Variants in FAM135B observed in about 807,000 individuals in gnomAD.
The protein encoded by FAM135B is family with sequence similarity 135 member B, also known as protein FAM135B.
A neutral mutation model predicts 127.7 loss-of-function variants in FAM135B; 43 were observed. That is an observed-to-expected ratio of 0.34 (90% confidence interval 0.26 to 0.43). FAM135B has a LOEUF of 0.43. FAM135B is among the 20% of genes least tolerant of loss of function. The pLI, the probability that FAM135B is intolerant of heterozygous loss-of-function variation, is 1.00. For missense variants in FAM135B, 1,558 were observed against 1,725.6 expected, an observed-to-expected ratio of 0.90 and a Z score of 1.72; for synonymous variants, 670 against 665.1, an observed-to-expected ratio of 1.01 and a Z score of -0.11.
In FAM135B at chr8:138,276,687, T is replaced by G. The variant is rs142419450; in HGVS notation, c.158-10845A>C. On this transcript the variant is annotated intron_variant, in intron 3 of 19. Coordinates refer to ENST00000395297, the MANE Select transcript of FAM135B (RefSeq NM_015912.4). ...ACAGCACATTCTCATCTGTACTGTC[T>G]CCCCTTTCCTCTCTTGGTCCCCTCC... Among the ~76,000 whole-genome samples the G allele has an allele frequency of 6.2e-4, 94 of 152,294 alleles. 1 individual carries two copies. Among genetic ancestry groups the G allele is most frequent in the African/African-American group, 2.2e-3 (91 of 41,558 alleles).
intron 2 of FAM135B, among the ~76,000 whole-genome samples, chr8:138,329,056 G>C (rs893183756): frequency 2.0e-5 from 3 of 152,204 alleles, no homozygotes; most frequent in Non-Finnish European, 2.9e-5. Flanking sequence ...TACAATGACA[G>C]GTAAAGTAGG....
At position 138,280,036 on chromosome 8, in the gene FAM135B, G is replaced by A. The variant is rs10101167; in HGVS notation, c.158-14194C>T. On this transcript the variant is annotated intron_variant, in intron 3 of 19. Transcript: ENST00000395297. ...AAGAAAGTCATGTAGTTTTATAAAC[G>A]CATTTCACAAATAGGAACTGGGGCC... is the stretch of plus-strand genomic sequence containing the variant. Among the ~76,000 whole-genome samples the A allele has an allele frequency of 3.7e-3, 569 of 152,212 alleles. 5 individuals carry two copies. Among genetic ancestry groups the A allele is most frequent in the Middle Eastern group, 6.8e-3 (2 of 294 alleles).
chr8:138,367,539 G>C (rs1191638888), intron 2 of FAM135B: 2 of 445,710 alleles, frequency 4.5e-6, no homozygotes, highest in South Asian at 3.6e-5. Context: ...GCCTGCATCA[G>C]CATCAGTATT....
chr8:138,442,017 T>C (rs1835801202), intron 1 of FAM135B, among the ~76,000 whole-genome samples: 2 of 151,766 alleles, frequency 1.3e-5, no homozygotes, highest in Admixed American at 1.3e-4. Context: ...TAGTTGAATA[T>C]TTTGTATGTC....
At chr8:138,389,728 T>C (rs998148652) in intron 1 of FAM135B, among the ~76,000 whole-genome samples, 10 of 152,230 alleles carry the variant, frequency 6.6e-5, no homozygotes, top group African/African-American at 2.4e-4. Context: ...ATTTTGAGAC[T>C]GCATAGTGGT....
intron 1 of FAM135B, among the ~76,000 whole-genome samples, chr8:138,447,141 A>C (rs982534232): frequency 1.3e-5 from 2 of 152,092 alleles, no homozygotes; most frequent in African/African-American, 4.8e-5. Context: ...CGATCATTAA[A>C]AAGTCAGGAA....
intron 2 of FAM135B, among the ~76,000 whole-genome samples, chr8:138,346,310 C>T (rs1326686721): frequency 2.6e-5 from 4 of 152,148 alleles, no homozygotes; most frequent in Admixed American, 2.6e-4. Flanking sequence ...GGCATACAAC[C>T]AAGGAAATAT....
Position 138,165,079 on chromosome 8 carries a change from T to C in FAM135B, c.1258+2816A>G, listed in dbSNP as rs1283041575. On this transcript the variant is annotated intron_variant, in intron 12 of 19. Transcript: ENST00000395297. ...TGATTTTCCAGCTGATATTGCAGGA[T>C]GGAGGCGCAGAGAGGGAATGAATTT... 2.6e-5 allele frequency among the ~76,000 whole-genome samples: 4 copies of C among 151,566 alleles called. No homozygotes were observed. The East Asian group carries it at 5.8e-4, about 22-fold the overall frequency.
At chr8:138,431,338 C>A (rs938031952) in intron 1 of FAM135B, among the ~76,000 whole-genome samples, 1 of 152,116 alleles carries the variant, frequency 6.6e-6, no homozygotes, top group Non-Finnish European at 1.5e-5. Context: ...TCATAATATG[C>A]CTCTTAATTA....
intron 2 of FAM135B, among the ~76,000 whole-genome samples, chr8:138,324,185 A>C (rs1827645641): frequency 6.6e-6 from 1 of 152,186 alleles, no homozygotes; most frequent in African/African-American, 2.4e-5. Context: ...ACATTACGAG[A>C]GATCACATTT....
Position 138,152,004 on chromosome 8 carries a change from C to T in FAM135B, c.2471G>A (p.Gly824Glu), listed in dbSNP as rs1481744454. The change falls in exon 13 of 20, where the codon GGA becomes GAA. Residue 824 changes from glycine (G) to glutamate (E), a missense_variant. Gly to Glu is a moderately conservative substitution (Grantham distance 98). Coordinates refer to ENST00000395297, the MANE Select transcript of FAM135B (RefSeq NM_015912.4). ...TATCTCCACCAGGGGATGGTCTGCTCCAGCATCTGTTCCAGAGTCACCACA... is the reference window on the plus strand; with the variant it reads ...TATCTCCACCAGGGGATGGTCTGCTTCAGCATCTGTTCCAGAGTCACCACA... ...QLCGDSGTDA[G>E]ADHPLVEIVL... The T allele has an allele frequency of 6.2e-7, 1 of 1,614,016 alleles. No individual in the cohort carries two copies. Among genetic ancestry groups the T allele is most frequent in the East Asian group, 2.2e-5 (1 of 44,848 alleles).
chr8:138,271,842 T>G (rs548133314), intron 3 of FAM135B, among the ~76,000 whole-genome samples: 2 of 152,156 alleles, frequency 1.3e-5, no homozygotes, highest in Non-Finnish European at 2.9e-5. Flanking sequence ...TAGCCTGAGA[T>G]TTACTGGTCT....
At chr8:138,414,502 T>C (rs1025823154) in intron 1 of FAM135B, among the ~76,000 whole-genome samples, 3 of 152,136 alleles carry the variant, frequency 2.0e-5, no homozygotes, top group African/African-American at 7.2e-5. Flanking sequence ...ATTGCAGACA[T>C]AAGAAGAGAA....
intron 2 of FAM135B, among the ~76,000 whole-genome samples, chr8:138,357,665 T>C (rs1017219099): frequency 2.0e-5 from 3 of 151,922 alleles, no homozygotes; most frequent in African/African-American, 7.2e-5. Context: ...TGACAATTCA[T>C]GGGAAAAAAA....
intron 7 of FAM135B, among the ~76,000 whole-genome samples, chr8:138,226,187 G>GCGCGCGCGCGCA (rs1458098401): frequency 1.3e-5 from 2 of 148,652 alleles, no homozygotes; most frequent in African/African-American, 2.5e-5. Context: ...GTGTGTGTGC[G>GCGCGCGCGCGCA]CGCATGTCAT....
chr8:138,148,089 C>T (rs1243713546), intron 14 of FAM135B, among the ~76,000 whole-genome samples: 1 of 152,138 alleles, frequency 6.6e-6, no homozygotes, highest in Non-Finnish European at 1.5e-5. Flanking sequence ...TTTATTCAGA[C>T]CATTGTATTG....
At chr8:138,416,490 T>C (rs991110430) in intron 1 of FAM135B, among the ~76,000 whole-genome samples, 2 of 152,158 alleles carry the variant, frequency 1.3e-5, no homozygotes, top group African/African-American at 4.8e-5. Flanking sequence ...TCACTTTTTA[T>C]CTTGTGTTAT....
At chr8:138,328,884 G>A (rs754795428) in intron 2 of FAM135B, among the ~76,000 whole-genome samples, 4 of 152,156 alleles carry the variant, frequency 2.6e-5, no homozygotes, top group Non-Finnish European at 4.4e-5. Context: ...CAATAGTTAT[G>A]AGACTATTTG....
intron 1 of FAM135B, among the ~76,000 whole-genome samples, chr8:138,423,035 T>G (rs1834610108): frequency 1.3e-5 from 2 of 152,172 alleles, no homozygotes; most frequent in Admixed American, 1.3e-4. Context: ...ACAGACCACA[T>G]GTTCTTACTT....
Sources: gnomAD v4.1 joint callset for allele counts (sites outside exome capture counted in the v4.1 genomes callset) on GRCh38, gnomAD v4.1.1 for gene constraint, MANE v1.5 for transcripts, NCBI Gene and HGNC (gene_info 2026-07-23, HGNC 2026-07-21) for gene names.